The following ETFA variants were observed in gnomAD, a reference collection of about 807,000 sequenced individuals.
ETFA encodes the protein electron transfer flavoprotein subunit alpha.
Under a neutral mutation model 46.2 loss-of-function variants are expected in ETFA, and 22 were observed. That is an observed-to-expected ratio of 0.48 (90% CI 0.34 to 0.68). ETFA has a LOEUF of 0.68. Ranked by LOEUF, ETFA falls within the 30% of genes least tolerant of loss-of-function variation. The pLI is 0.01. For synonymous variants in ETFA, 131 were observed against 139.9 expected (o/e 0.94, Z 0.45); for missense variants, 345 against 401.1 (o/e 0.86, Z 1.19).
rs2039810378 is a variant in ETFA, at chr15:76,295,631, C to T, written c.146G>A (p.Gly49Asp). 2 of 1,613,740 alleles carry T rather than the reference C, an allele frequency of 1.2e-6. No homozygotes were observed. Among genetic ancestry groups the T allele is most frequent in the Non-Finnish European group, 8.5e-7 (1 of 1,179,852 alleles). Residue 49 changes from glycine to aspartate, a missense_variant, in exon 2 of 12, where the codon GGT becomes GAT. Coordinates refer to ENST00000557943, the MANE Select transcript of ETFA (RefSeq NM_000126.4). ...TCCAGCTACTAAGCAGGACACTTCA[C>T]CTCCAAGGCGTGTGGCTGCAGTAAT... The part of the protein sequence containing the change: ...NTITAATRLG[G>D]EVSCLVAGTK...
At chr15:76,241,502 TC>T (rs2039187851) in intron 9 of ETFA, among the ~76,000 whole-genome samples, 1 of 151,780 alleles carries the variant, frequency 6.6e-6, no homozygotes, top group Non-Finnish European at 1.5e-5. Context: ...AGACCCTGTC[TC>T]AAAAAAAGTT....
At chr15:76,252,897 CTTTTTTTTT>C (rs11303378) in intron 9 of ETFA, among the ~76,000 whole-genome samples, 1 of 129,946 alleles carries the variant, frequency 7.7e-6, no homozygotes, top group African/African-American at 2.9e-5. Context: ...ACACAGAGTA[CTTTTTTTTT>C]TTTTTTTTTT....
intron 9 of ETFA, among the ~76,000 whole-genome samples, chr15:76,254,383 A>T (rs1310594496): frequency 6.6e-6 from 1 of 152,200 alleles, no homozygotes; most frequent in Non-Finnish European, 1.5e-5. Flanking sequence ...ACATAAGGAG[A>T]TTGAGTCTGG....
intron 9 of ETFA, among the ~76,000 whole-genome samples, chr15:76,241,557 T>C (rs1409245145): frequency 6.6e-6 from 1 of 151,884 alleles, no homozygotes; most frequent in Non-Finnish European, 1.5e-5. Flanking sequence ...TCCAAGCACT[T>C]TGGGAGGCTG....
rs147183617 is a variant in ETFA, at chr15:76,250,335, A to T, written c.817-18937T>A. On this transcript the variant is annotated intron_variant, in intron 9 of 11. Transcript: ENST00000557943. ...TTTTTTATACCATGGCACACAGAAG[A>T]TAACATTTGTATGGTACACGAACAA... Among the ~76,000 whole-genome samples, 58 of 152,180 alleles carry T rather than the reference A, an allele frequency of 3.8e-4. No individual in the cohort carries two copies. The East Asian group carries it at 9.4e-3, about 25-fold the overall frequency.
intron 9 of ETFA, among the ~76,000 whole-genome samples, chr15:76,265,895 C>A (rs1177482211): frequency 6.6e-6 from 1 of 152,180 alleles, no homozygotes; most frequent in African/African-American, 2.4e-5. Context: ...TCATTTTTAG[C>A]AGTGGCCATT....
intron 1 of ETFA, among the ~76,000 whole-genome samples, chr15:76,303,138 T>G (rs1042341977): frequency 4.6e-5 from 7 of 152,160 alleles, no homozygotes; most frequent in Middle Eastern, 3.4e-3. Flanking sequence ...AACCCTGTTG[T>G]CTCTACTAAA....
intron 11 of ETFA, among the ~76,000 whole-genome samples, chr15:76,220,461 C>A (rs544898279): frequency 6.6e-6 from 1 of 152,188 alleles, no homozygotes; most frequent in Non-Finnish European, 1.5e-5. Flanking sequence ...TATTTTAAAA[C>A]TTTTTCTCCC....
chr15:76,282,676 C>T (rs2039667218), intron 8 of ETFA, among the ~76,000 whole-genome samples: 2 of 152,058 alleles, frequency 1.3e-5, no homozygotes, highest in East Asian at 1.9e-4. Context: ...ATAGAAATTT[C>T]GCACAGGAAA....
chr15:76,301,396 G>A (rs1184266334), intron 1 of ETFA, among the ~76,000 whole-genome samples: 1 of 152,152 alleles, frequency 6.6e-6, no homozygotes, highest in South Asian at 2.1e-4. Flanking sequence ...ACCAATAAGG[G>A]AAGTGAACAT....
chr15:76,270,212 G>A (rs1217354722), intron 9 of ETFA, among the ~76,000 whole-genome samples: 1 of 152,186 alleles, frequency 6.6e-6, no homozygotes, highest in Non-Finnish European at 1.5e-5. Context: ...TATCTATACA[G>A]GAAGACTATT....
At chr15:76,257,938 A>G (rs1358292330) in intron 9 of ETFA, among the ~76,000 whole-genome samples, 1 of 145,752 alleles carries the variant, frequency 6.9e-6, no homozygotes, top group Admixed American at 7.1e-5. Context: ...CAAACAACGC[A>G]TGTTCTCACT....
intron 9 of ETFA, among the ~76,000 whole-genome samples, chr15:76,252,827 A>G (rs2039311689): frequency 6.6e-6 from 1 of 151,866 alleles, no homozygotes; most frequent in African/African-American, 2.4e-5. Context: ...TTTAGGGGTA[A>G]AGGGCTATAA....
At chr15:76,288,922 T>TC (rs1423152871) in intron 4 of ETFA, among the ~76,000 whole-genome samples, 4 of 139,198 alleles carry the variant, frequency 2.9e-5, no homozygotes, top group African/African-American at 1.1e-4. Flanking sequence ...TTCTTCTTCT[T>TC]TTTTTTTTTT....
chr15:76,242,734 A>G (rs1567201070), intron 9 of ETFA, among the ~76,000 whole-genome samples: 1 of 152,242 alleles, frequency 6.6e-6, no homozygotes, highest in Non-Finnish European at 1.5e-5. Context: ...TACATGATAC[A>G]ATATGATGAA....
At chr15:76,231,583 A>G (rs1208698184) in intron 9 of ETFA, among the ~76,000 whole-genome samples, 185 bp from the exon 10 acceptor site, 1 of 152,198 alleles carries the variant, frequency 6.6e-6, no homozygotes, top group African/African-American at 2.4e-5. Flanking sequence ...TCTTTTTCCT[A>G]TGAATTCCTA....
At chr15:76,240,150 A>G (rs994209343) in intron 9 of ETFA, among the ~76,000 whole-genome samples, 7 of 152,344 alleles carry the variant, frequency 4.6e-5, no homozygotes, top group African/African-American at 1.7e-4. Context: ...AGTGAAGTCA[A>G]TATCTGGTTC....
chr15:76,250,674 A>G (rs2039289787), intron 9 of ETFA, among the ~76,000 whole-genome samples: 1 of 151,854 alleles, frequency 6.6e-6, no homozygotes, highest in Non-Finnish European at 1.5e-5. Flanking sequence ...CTGGGACTAC[A>G]GCTACATGCC....
At chr15:76,267,699 G>C (rs958052973) in intron 9 of ETFA, among the ~76,000 whole-genome samples, 2 of 152,178 alleles carry the variant, frequency 1.3e-5, no homozygotes, top group East Asian at 1.9e-4. Flanking sequence ...CACTGCAAAT[G>C]CAATTGCATT....
Sources: allele counts gnomAD v4.1 joint callset (sites outside exome capture counted in the v4.1 genomes callset), GRCh38; gene constraint gnomAD v4.1.1; transcripts MANE v1.5; gene names NCBI Gene and HGNC (gene_info 2026-07-23, HGNC 2026-07-21).